Variants in IKZF3 observed in about 807,000 individuals in gnomAD.
The protein encoded by IKZF3 is zinc finger protein Aiolos.
IKZF3 carries 10 observed loss-of-function variants against 49.0 expected under a neutral mutation model. The observed-to-expected ratio is 0.20, with a 90% CI of 0.13 to 0.35. IKZF3 has a LOEUF of 0.35. IKZF3 is among the 10% of genes least tolerant of loss of function. The pLI is 1.00. For synonymous variants in IKZF3, 209 were observed against 228.2 expected (o/e 0.92, Z 0.76); for missense variants, 498 against 664.8 (o/e 0.75, Z 2.76).
intron 3 of IKZF3, among the ~76,000 whole-genome samples, chr17:39,806,629 T>C (rs1235750762): frequency 6.6e-6 from 1 of 151,958 alleles, no homozygotes; most frequent in Non-Finnish European, 1.5e-5. Flanking sequence ...CCCTCATCCG[T>C]TGCTGGTGGG....
intron 1 of IKZF3, among the ~76,000 whole-genome samples, chr17:39,843,529 T>C (rs1212851391): frequency 6.6e-6 from 1 of 151,998 alleles, no homozygotes; most frequent in Non-Finnish European, 1.5e-5. Flanking sequence ...CACAGAAAGA[T>C]GGCTTTTGAT....
At chr17:39,833,453 C>T (rs2062173711) in intron 1 of IKZF3, among the ~76,000 whole-genome samples, 1 of 152,138 alleles carries the variant, frequency 6.6e-6, no homozygotes, top group African/African-American at 2.4e-5. Context: ...ACTGTTTTGA[C>T]TTTTTCCACC....
At chr17:39,783,354 C>G (rs904533895) in intron 6 of IKZF3, among the ~76,000 whole-genome samples, 1 of 152,142 alleles carries the variant, frequency 6.6e-6, no homozygotes, top group Non-Finnish European at 1.5e-5. Flanking sequence ...TGGAGTCTCG[C>G]TCTGTTGCCT....
At position 39,762,147 on chromosome 17, in the gene IKZF3, G is replaced by T. The variant is rs1236226896; in HGVS notation, c.*3643C>A. ...AGGGAGTCTGCATGAGAAAGTACAG[G>T]TACTATCTGAAGCTGCTCCAGGGCT... is the stretch of plus-strand genomic sequence containing the variant. On this transcript the variant is annotated 3_prime_UTR_variant, in exon 8 of 8. Transcript: ENST00000346872. 1 of 152,234 alleles carries T rather than the reference G, an allele frequency of 6.6e-6. No homozygotes were observed. The highest frequency in any genetic ancestry group is 1.5e-5 in the Non-Finnish European group (1 of 68,070). 9.4% of individuals were successfully genotyped at this position (152,234 alleles called of 1,614,324 possible).
chr17:39,850,227 A>G (rs1023665538), intron 1 of IKZF3, among the ~76,000 whole-genome samples: 1 of 141,430 alleles, frequency 7.1e-6, no homozygotes, highest in South Asian at 2.2e-4. Context: ...TTATGTATGT[A>G]TATATAATAT....
At chr17:39,853,833 TA>T (rs34052978) in intron 1 of IKZF3, among the ~76,000 whole-genome samples, 610 of 134,018 alleles carry the variant, frequency 4.6e-3, no homozygotes, top group Non-Finnish European at 4.4e-3. Flanking sequence ...AAACTCCGTC[TA>T]AAAAAAAAAA....
At chr17:39,768,332 C>T (rs2060347564) in intron 7 of IKZF3, among the ~76,000 whole-genome samples, 1 of 152,000 alleles carries the variant, frequency 6.6e-6, no homozygotes, top group Admixed American at 6.6e-5. Context: ...TTCAGAGAAG[C>T]GGGAGAGGAC....
chr17:39,776,368 G>A (rs772607242), intron 7 of IKZF3, among the ~76,000 whole-genome samples: 1 of 152,198 alleles, frequency 6.6e-6, no homozygotes, highest in Non-Finnish European at 1.5e-5. Flanking sequence ...AGATATATGG[G>A]AATATTTGTA....
intron 5 of IKZF3, among the ~76,000 whole-genome samples, chr17:39,789,400 T>C (rs2060956466): frequency 6.6e-6 from 1 of 152,114 alleles, no homozygotes; most frequent in South Asian, 2.1e-4. Flanking sequence ...CCATCTCTAC[T>C]AAAAATACAA....
intron 1 of IKZF3, among the ~76,000 whole-genome samples, chr17:39,850,971 G>C (rs1433737394): frequency 7.3e-6 from 1 of 137,742 alleles, no homozygotes; most frequent in Non-Finnish European, 1.5e-5. Flanking sequence ...TTATATACGT[G>C]TATATATTAT....
chr17:39,807,983 A>G (rs2061471747), intron 3 of IKZF3, among the ~76,000 whole-genome samples: 1 of 152,180 alleles, frequency 6.6e-6, no homozygotes, highest in African/African-American at 2.4e-5. Flanking sequence ...TTTACTAGAA[A>G]AGTCATTGAA....
At chr17:39,817,962 T>G (rs1446394206) in intron 3 of IKZF3, among the ~76,000 whole-genome samples, 1 of 152,180 alleles carries the variant, frequency 6.6e-6, no homozygotes, top group East Asian at 1.9e-4. Context: ...TTCTAAGCAG[T>G]GGATCATCAG....
At chr17:39,850,417 C>T (rs1170476624) in intron 1 of IKZF3, among the ~76,000 whole-genome samples, 3 of 108,306 alleles carry the variant, frequency 2.8e-5, no homozygotes, top group Admixed American at 1.0e-4. Flanking sequence ...TAATATATAG[C>T]ATATTGTATG....
At chr17:39,856,051 T>C (rs564466409) in intron 1 of IKZF3, among the ~76,000 whole-genome samples, 83 of 135,278 alleles carry the variant, frequency 6.1e-4, no homozygotes, top group South Asian at 6.1e-3. Context: ...GTATATTGTA[T>C]ATGTACAATA....
At chr17:39,782,861 A>G (rs1724113659) in intron 6 of IKZF3, among the ~76,000 whole-genome samples, 1 of 152,200 alleles carries the variant, frequency 6.6e-6, no homozygotes, top group Admixed American at 6.5e-5. Context: ...TGCCTACTAA[A>G]TAGTAGACAT....
At chr17:39,777,829 G>A (rs538787461) in intron 6 of IKZF3, 62 bp from the exon 7 acceptor site, 13 of 1,581,494 alleles carry the variant, frequency 8.2e-6, no homozygotes, top group Non-Finnish European at 1.1e-5. Flanking sequence ...GGGAGAAAAG[G>A]AAATAAACTG....
intron 1 of IKZF3, among the ~76,000 whole-genome samples, chr17:39,848,879 C>T (rs915724229): frequency 6.6e-6 from 1 of 152,060 alleles, no homozygotes; most frequent in African/African-American, 2.4e-5. Context: ...GATGGGGTCT[C>T]ATTATGTTGC....
intron 3 of IKZF3, among the ~76,000 whole-genome samples, chr17:39,794,466 G>C (rs529995167): frequency 1.3e-5 from 2 of 152,264 alleles, no homozygotes; most frequent in South Asian, 4.2e-4. Context: ...TTCAACCCAA[G>C]TTTCAATTTT....
At chr17:39,801,359 G>A (rs958998674) in intron 3 of IKZF3, among the ~76,000 whole-genome samples, 1 of 138,178 alleles carries the variant, frequency 7.2e-6, no homozygotes, top group Admixed American at 7.1e-5. Context: ...GAAAGGGGGT[G>A]GGGGGGGGCT....
Sources: allele counts gnomAD v4.1 joint callset (sites outside exome capture counted in the v4.1 genomes callset), GRCh38; gene constraint gnomAD v4.1.1; transcripts MANE v1.5; gene names NCBI Gene and HGNC (gene_info 2026-07-23, HGNC 2026-07-21).